Variants in GREB1 observed in about 807,000 individuals in gnomAD.
GREB1 encodes growth regulating estrogen receptor binding 1, also known as protein GREB1.
GREB1 carries 106 observed loss-of-function variants against 200.7 expected under a neutral mutation model. That is an observed-to-expected ratio of 0.53 (90% CI 0.45 to 0.62). The LOEUF (loss-of-function observed/expected upper bound fraction) is 0.62, where lower values mean the gene tolerates loss of function less well. GREB1 is among the 20% of genes least tolerant of loss of function. The pLI, the probability that GREB1 is intolerant of heterozygous loss-of-function variation, is 0.00. For synonymous variants in GREB1, 1,132 were observed against 1,092.4 expected (o/e 1.04, Z -0.72); for missense variants, 2,243 against 2,556.8 (o/e 0.88, Z 2.65).
rs1680445712 is a variant in GREB1 at position 11,588,922 on chromosome 2, G to C, written c.1336G>C (p.Val446Leu). 6.2e-7 allele frequency: 1 copy of C among 1,613,744 alleles called. No homozygotes were observed. Among genetic ancestry groups the C allele is most frequent in the Admixed American group, 1.7e-5 (1 of 60,004 alleles). ...GCTCCTGCTTACCGTCTACTACCTGGTCCAGCTGGGTGAGTCACCTCCACC... is the reference window on the plus strand; with the variant it reads ...GCTCCTGCTTACCGTCTACTACCTGCTCCAGCTGGGTGAGTCACCTCCACC... ...MQLLLTVYYL[V>L]QLAADQVPLM... Residue 446 changes from valine to leucine, a missense_variant, in exon 10 of 33, where the codon GTC becomes CTC. Val to Leu is a conservative substitution (Grantham distance 32). Around this residue, in one of 3 missense-constraint regions of GREB1, gnomAD observed 1,178 missense variants for 1,387.4 expected, o/e 0.85. Coordinates refer to ENST00000381486, the MANE Select transcript of GREB1 (RefSeq NM_014668.4).
In GREB1 at chr2:11,641,394, G is replaced by T. The variant is rs1377165821; in HGVS notation, c.*940G>T. ...AAGAATCTCACTTGACTAGAGAGGAGGTGGGAACAGAAGAGAGAAGGAGGC... is the reference window on the plus strand; with the variant it reads ...AAGAATCTCACTTGACTAGAGAGGATGTGGGAACAGAAGAGAGAAGGAGGC... On this transcript the variant is annotated 3_prime_UTR_variant, in exon 33 of 33. Transcript: ENST00000381486. The T allele has an allele frequency of 1.3e-5, 2 of 152,236 alleles. No individual in the cohort carries two copies. The highest frequency in any genetic ancestry group is 2.9e-5 in the Non-Finnish European group (2 of 68,052). 9.4% of individuals were successfully genotyped at this position (152,236 alleles called of 1,614,324 possible). A position where few individuals can be genotyped will look rare whatever the true frequency, so the allele number is the denominator to read the frequency against.
At chr2:11,587,592 C>T (rs1680251626) in intron 9 of GREB1, 1 of 1,480,208 alleles carries the variant, frequency 6.8e-7, no homozygotes, top group Non-Finnish European at 9.0e-7. Flanking sequence ...CCCCAGGCAC[C>T]AGCTTTACTC....
chr2:11,591,858 T>C (rs1467045313), intron 10 of GREB1: 2 of 208,936 alleles, frequency 9.6e-6, no homozygotes, highest in Non-Finnish European at 1.7e-5. Flanking sequence ...CAGCACTCTT[T>C]ATGTTGGCTG....
chr2:11,512,996 C>T (rs1245075734), intron 1 of GREB1, among the ~76,000 whole-genome samples: 3 of 152,204 alleles, frequency 2.0e-5, no homozygotes, highest in Non-Finnish European at 4.4e-5. Context: ...ATTCTTTCAA[C>T]ACACTGTCCG....
At chr2:11,490,422 G>T (rs566601175) in intron 1 of GREB1, among the ~76,000 whole-genome samples, 1 of 152,286 alleles carries the variant, frequency 6.6e-6, no homozygotes, top group South Asian at 2.1e-4. Context: ...ATATTCCATT[G>T]TATGGATATA....
At position 11,637,780 on chromosome 2, in the gene GREB1, C is replaced by T. The variant is rs532579187; in HGVS notation, c.5411C>T (p.Thr1804Met). The T allele has an allele frequency of 3.2e-5, 51 of 1,614,100 alleles. No individual in the cohort carries two copies. Among genetic ancestry groups the T allele is most frequent in the East Asian group, 6.7e-5 (3 of 44,878 alleles). ...QYICAPDSKH[T>M]FLAAPAQLLL... The stretch of plus-strand genomic sequence containing the variant: ...ATCTGTGCCCCGGACAGCAAGCACA[C>T]GTTCCTCGCAGCGCCCGCCCAGCTC... Residue 1804 changes from threonine to methionine, a missense_variant, in exon 31 of 33, where the codon ACG becomes ATG. Physicochemically the swap from Thr to Met is moderately conservative, Grantham distance 81. Coordinates refer to ENST00000381486, the MANE Select transcript of GREB1 (RefSeq NM_014668.4).
Position 11,604,712 on chromosome 2 carries a change from T to C in GREB1, c.2666+2170T>C, listed in dbSNP as rs531277314. 1.4e-4 allele frequency among the ~76,000 whole-genome samples: 22 copies of C among 152,348 alleles called. No individual in the cohort carries two copies. In the South Asian group the frequency reaches 4.3e-3, roughly 30 times the overall value. ...GCAGCCTGTTGGTGGCAACATGGAC[T>C]GCAGACAGGTTTGACATCTTTCCAC... On this transcript the variant is annotated intron_variant, in intron 17 of 32. Transcript: ENST00000381486.
chr2:11,592,438 T>G (rs1680822731), intron 10 of GREB1, among the ~76,000 whole-genome samples: 1 of 150,174 alleles, frequency 6.7e-6, no homozygotes, highest in Non-Finnish European at 1.5e-5. Context: ...GTTTAACTGT[T>G]TTAGGTGTGT....
intron 4 of GREB1, among the ~76,000 whole-genome samples, chr2:11,569,330 TGGGTGGG>T (rs1678023483): frequency 6.7e-6 from 1 of 150,138 alleles, no homozygotes; most frequent in Non-Finnish European, 1.5e-5. Context: ...GTCTAGGGGC[TGGGTGGG>T]GGGATGCAGG....
chr2:11,612,704 G>T, intron 19 of GREB1, 94 bp downstream of exon 19: 1 of 758,690 alleles, frequency 1.3e-6, no homozygotes, highest in Non-Finnish European at 2.3e-6. Flanking sequence ...GTGCCCTGAC[G>T]GTAGGCAGCA....
chr2:11,639,394 G>A (rs1685642766), intron 32 of GREB1, among the ~76,000 whole-genome samples: 2 of 152,196 alleles, frequency 1.3e-5, no homozygotes, highest in South Asian at 2.1e-4. Flanking sequence ...AGCCATGTGT[G>A]TTCTTTTCCA....
intron 1 of GREB1, among the ~76,000 whole-genome samples, chr2:11,546,782 T>C (rs1362716751): frequency 6.6e-6 from 1 of 152,194 alleles, no homozygotes; most frequent in Non-Finnish European, 1.5e-5. Flanking sequence ...AGGCCAAGTC[T>C]CTAGTGCTGT....
At chr2:11,614,153 G>A (rs1315869078) in intron 19 of GREB1, among the ~76,000 whole-genome samples, 2 of 142,610 alleles carry the variant, frequency 1.4e-5, no homozygotes, top group Admixed American at 7.3e-5. Context: ...TTGAGACGGA[G>A]TCTCACTCTG....
rs138498799 is a variant in GREB1, at chr2:11,498,592, G to A, written c.-159+16211G>A. On this transcript the variant is annotated intron_variant, in intron 1 of 2. Transcript: ENST00000628795. The stretch of plus-strand genomic sequence containing the variant: ...AGTCAGAACTGGGGGGCAGTGAGGT[G>A]GGGACGTGGGTCAGGGGACAGCCAA... Among the ~76,000 whole-genome samples the A allele has an allele frequency of 5.5e-4, 84 of 152,338 alleles. 3 individuals are homozygous for A. The East Asian group carries it at 0.014, about 25-fold the overall frequency.
chr2:11,499,033 G>A (rs565923375), intron 1 of GREB1, among the ~76,000 whole-genome samples: 1 of 152,092 alleles, frequency 6.6e-6, no homozygotes, highest in Non-Finnish European at 1.5e-5. Context: ...GTGGGGGGGT[G>A]GAACATAAAA....
chr2:11,581,245 A>G (rs1449939748), intron 7 of GREB1: 3 of 543,870 alleles, frequency 5.5e-6, no homozygotes, highest in Non-Finnish European at 6.5e-6. Flanking sequence ...CCAAGTCTCA[A>G]TAAATGTTTC....
intron 26 of GREB1, 71 bp downstream of exon 26, chr2:11,630,180 C>G: frequency 6.7e-7 from 1 of 1,483,388 alleles, no homozygotes; most frequent in Non-Finnish European, 9.3e-7. Flanking sequence ...GGACTAGAGA[C>G]AGAGCTTCCT....
intron 7 of GREB1, 67 bp from the exon 8 acceptor site, chr2:11,585,094 C>T: frequency 1.2e-6 from 1 of 802,706 alleles, no homozygotes; most frequent in Middle Eastern, 2.4e-4. Flanking sequence ...GTTCTCCAAA[C>T]CAAGGGTAAA....
In GREB1 at chr2:11,597,406, A is replaced by T. The variant is rs1444954426; in HGVS notation, c.1955-375A>T. ...TTTATTCATACAGAGTTCCTAAATG[A>T]CTGTCGTGTTAGTTTTCTTTTCTGG... is the stretch of plus-strand genomic sequence containing the variant. On this transcript the variant is annotated intron_variant, in intron 13 of 32. Transcript: ENST00000381486. This position sits in a 1 kb window ranked among gnomAD's most constrained non-coding sequence, Gnocchi z 4.1. Among the ~76,000 whole-genome samples, 13 of 151,824 alleles carry T rather than the reference A, an allele frequency of 8.6e-5. No homozygotes were observed. The highest frequency in any genetic ancestry group is 4.4e-5 in the Non-Finnish European group (3 of 67,956).
Sources: allele counts gnomAD v4.1 joint callset (sites outside exome capture counted in the v4.1 genomes callset), GRCh38; gene constraint gnomAD v4.1.1; regional missense constraint gnomAD v4.1.1; non-coding constraint Gnocchi (gnomAD v3.1); transcripts MANE v1.5; gene names NCBI Gene and HGNC (gene_info 2026-07-23, HGNC 2026-07-21).